EEF1A1: variants seen among roughly 807,000 people sequenced by gnomAD.
EEF1A1 encodes the protein elongation factor 1-alpha 1.
EEF1A1 carries 1 observed loss-of-function variant against 38.5 expected under a neutral mutation model. The ratio of observed to expected loss-of-function variants is 0.03; its 90% CI spans 0.01 to 0.12. The LOEUF (loss-of-function observed/expected upper bound fraction) is 0.12. EEF1A1 is among the 10% of genes least tolerant of loss of function. The probability of loss-of-function intolerance (pLI) is 1.00; values close to 1 mark genes in which losing one functional copy is unlikely to be tolerated. For missense variants in EEF1A1, 184 were observed against 588.3 expected, an observed-to-expected ratio of 0.31 and a Z score of 7.11; for synonymous variants, 229 against 203.7, an observed-to-expected ratio of 1.12 and a Z score of -1.06.
Position 73,519,475 on chromosome 6 carries a change from T to C in EEF1A1, c.186A>G (p.Lys62=). 1 of 1,600,120 alleles carries C rather than the reference T, an allele frequency of 6.2e-7. No homozygotes were observed. Among genetic ancestry groups the C allele is most frequent in the Non-Finnish European group, 8.5e-7 (1 of 1,179,308 alleles). The change falls in exon 3 of 8, where the codon AAA becomes AAG. Residue 62 remains lysine, a synonymous_variant. Coordinates refer to ENST00000309268, the MANE Select transcript of EEF1A1 (RefSeq NM_001402.6). ...GSFKYAWVLD[K]LKAERERGIT... ...TACCACGTTCACGCTCAGCTTTCAGTTTATCCAAGACCCAGGCATACTTGA... is the reference window on the plus strand; with the variant it reads ...TACCACGTTCACGCTCAGCTTTCAGCTTATCCAAGACCCAGGCATACTTGA...
rs777395757 is a variant in EEF1A1 at position 73,516,884 on chromosome 6, CA to C, written c.*925del. On this transcript the variant is annotated 3_prime_UTR_variant, in exon 8 of 8. Coordinates refer to ENST00000309268, the MANE Select transcript of EEF1A1 (RefSeq NM_001402.6). ...ACCAAGTAGACAAACTGCTAATTAT[CA>C]AAGCATAAAAGGTATTAGACTCTGC... is the stretch of plus-strand genomic sequence containing the variant. 12 of 152,154 alleles carry C rather than the reference CA, an allele frequency of 7.9e-5. No individual in the cohort carries two copies. Among genetic ancestry groups the C allele is most frequent in the Non-Finnish European group, 1.2e-4 (8 of 68,024 alleles). 9.4% of individuals were successfully genotyped at this position (152,154 alleles called of 1,614,324 possible).
chr6:73,518,516 T>C lies in EEF1A1; in HGVS notation c.867A>G (p.Val289=). The C allele has an allele frequency of 6.2e-7, 1 of 1,614,050 alleles. No homozygotes were observed. Among genetic ancestry groups the C allele is most frequent in the Non-Finnish European group, 8.5e-7 (1 of 1,179,894 alleles). The change falls in exon 6 of 8, where the codon GTA becomes GTG. Residue 289 remains valine (V), a synonymous_variant. Coordinates refer to ENST00000309268, the MANE Select transcript of EEF1A1 (RefSeq NM_001402.6). ...CTTCATGGTGCATTTCGACAGATTT[T>C]ACTTCCGTTGTAACGTTGACTGGAG... ...TFAPVNVTTE[V]KSVEMHHEAL...
chr6:73,519,594 T>C lies in EEF1A1; in HGVS notation c.145-78A>G. ...AATTTCCTTGTCCCCAGCCCTTAAT[T>C]GGCAGTTTCCACTTTACAACTCCAA... On this transcript the variant is annotated intron_variant, in intron 2 of 7. Coordinates refer to ENST00000309268, the MANE Select transcript of EEF1A1 (RefSeq NM_001402.6). 4.8e-6 allele frequency: 7 copies of C among 1,454,792 alleles called. No homozygotes were observed. In the South Asian group the frequency reaches 9.3e-5, roughly 19 times the overall value. The allele number at this position is 1,454,792 out of a possible 1,614,324, so 90.1% of individuals were successfully genotyped here. A position where few individuals can be genotyped will look rare whatever the true frequency, so the allele number is the denominator to read the frequency against.
In EEF1A1 at chr6:73,519,121, A is replaced by G; in HGVS notation, c.432T>C (p.Gly144=). The G allele has an allele frequency of 6.3e-7, 1 of 1,599,746 alleles. No homozygotes were observed. ...REHALLAYTL[G]VKQLIVGVNK... ...TAACACCGACAATTAGTTGTTTCAC[A>G]CCCAGTGTGTAAGCCAGAAGGGCAT... The change falls in exon 4 of 8, where the codon GGT becomes GGC. Residue 144 remains glycine (G), a synonymous_variant. Coordinates refer to ENST00000309268, the MANE Select transcript of EEF1A1 (RefSeq NM_001402.6).
rs2073466 is a variant in EEF1A1 at position 73,519,535 on chromosome 6, G to T, written c.145-19C>A. 0.65 allele frequency: 1,021,076 copies of T among 1,569,244 alleles called. 339,145 individuals carry two copies. Among genetic ancestry groups the T allele is most frequent in the Non-Finnish European group, 0.69 (797,283 of 1,161,022 alleles). On this transcript the variant is annotated intron_variant, in intron 2 of 7. Coordinates refer to ENST00000309268, the MANE Select transcript of EEF1A1 (RefSeq NM_001402.6). ...TTCCCATCTGTAAGGATTAAGAGTC[G>T]TTACTTGGTTACTAAAACACAAACT...
At chr6:73,518,873 TG>T (rs1765587415) in intron 4 of EEF1A1, 25 bp from the exon 5 acceptor site, 1 of 1,611,848 alleles carries the variant, frequency 6.2e-7, no homozygotes. Flanking sequence ...TGCCAATTTG[TG>T]TAAGCATGAA....
Position 73,518,498 on chromosome 6 carries a change from G to A in EEF1A1, c.885C>T (p.His295=), listed in dbSNP as rs1765578606. 6.2e-7 allele frequency: 1 copy of A among 1,613,684 alleles called. No homozygotes were observed. Among genetic ancestry groups the A allele is most frequent in the Non-Finnish European group, 8.5e-7 (1 of 1,179,732 alleles). ...VTTEVKSVEM[H]HEALSEALPG... is the part of the protein sequence containing the mutation. Reference sequence around the variant, plus strand: ...GAAGAGCTTCACTCAAAGCTTCATGGTGCATTTCGACAGATTTTACTTCCG... The same window carrying A: ...GAAGAGCTTCACTCAAAGCTTCATGATGCATTTCGACAGATTTTACTTCCG... Residue 295 remains histidine, a synonymous_variant, in exon 6 of 8, where the codon CAC becomes CAT. Transcript: ENST00000309268.
chr6:73,519,851 G>C (rs1422149120), intron 2 of EEF1A1, 32 bp downstream of exon 2: 2 of 1,611,282 alleles, frequency 1.2e-6, no homozygotes, highest in Non-Finnish European at 1.7e-6. Context: ...ACTCATTTTA[G>C]TTGATCTTTC....
Position 73,517,942 on chromosome 6 carries a change from A to G in EEF1A1, c.1265-8T>C. The G allele has an allele frequency of 6.2e-7, 1 of 1,613,806 alleles. No homozygotes were observed. The highest frequency in any genetic ancestry group is 8.5e-7 in the Non-Finnish European group (1 of 1,179,912). On this transcript the variant is annotated splice_region_variant and splice_polypyrimidine_tract_variant and intron_variant, in intron 7 of 7. Transcript: ENST00000309268. Reference sequence around the variant, plus strand: ...CACGAACAGCAAAGCGACCTATTAAAAAAAAAGTTAATTATTACCCAAAGT... The same window carrying G: ...CACGAACAGCAAAGCGACCTATTAAGAAAAAAGTTAATTATTACCCAAAGT...
chr6:73,519,934 G>A lies in EEF1A1; in HGVS notation c.93C>T (p.Cys31=), dbSNP rs778266425. 18 of 1,610,452 alleles carry A rather than the reference G, an allele frequency of 1.1e-5. No individual in the cohort carries two copies. The highest frequency in any genetic ancestry group is 6.7e-5 in the African/African-American group (5 of 74,830). Residue 31 remains cysteine (C), a synonymous_variant, in exon 2 of 8, where the codon TGC becomes TGT. Coordinates refer to ENST00000309268, the MANE Select transcript of EEF1A1 (RefSeq NM_001402.6). ...CAATGGTTCTTTTGTCGATGCCACC[G>A]CATTTATAGATCAGATGGCCAGTAG... ...STTTGHLIYK[C]GGIDKRTIEK... is the part of the protein sequence containing the mutation.
At chr6:73,518,874 G>T (rs745690302) in intron 4 of EEF1A1, 26 bp from the exon 5 acceptor site, 3 of 1,611,806 alleles carry the variant, frequency 1.9e-6, no homozygotes, top group Non-Finnish European at 1.7e-6. Flanking sequence ...GCCAATTTGT[G>T]TAAGCATGAA....
intron 1 of EEF1A1, chr6:73,520,740 T>G (rs538433417): frequency 2.0e-5 from 3 of 152,450 alleles, no homozygotes; most frequent in Admixed American, 2.0e-4. Context: ...GCTAGAGACT[T>G]ATCGAAAGCA....
intron 7 of EEF1A1, 48 bp from the exon 8 acceptor site, chr6:73,517,982 T>A (rs1765564098): frequency 1.2e-6 from 2 of 1,612,646 alleles, no homozygotes; most frequent in Non-Finnish European, 1.7e-6. Context: ...TTCAGTTGTA[T>A]TTTTCATCTT....
chr6:73,520,070 A>G lies in EEF1A1; in HGVS notation c.-30-14T>C, dbSNP rs1305085803. On this transcript the variant is annotated splice_polypyrimidine_tract_variant and intron_variant, in intron 1 of 7. Transcript: ENST00000309268. Reference sequence around the variant, plus strand: ...TTTTCACGACACCTGAAATGGAAGAAAAAAACTTTGAACCACTGTCTGAGG... The same window carrying G: ...TTTTCACGACACCTGAAATGGAAGAGAAAAACTTTGAACCACTGTCTGAGG... 3 of 1,573,756 alleles carry G rather than the reference A, an allele frequency of 1.9e-6. No individual in the cohort carries two copies. Among genetic ancestry groups the G allele is most frequent in the Non-Finnish European group, 8.5e-7 (1 of 1,171,390 alleles).
chr6:73,519,266 C>T (rs1765593465), intron 3 of EEF1A1, 38 bp from the exon 4 acceptor site: 3 of 1,606,092 alleles, frequency 1.9e-6, no homozygotes, highest in African/African-American at 2.7e-5. Flanking sequence ...GTCAACTCTC[C>T]AAATGACAAA....
intron 1 of EEF1A1, chr6:73,520,324 G>A: frequency 3.5e-6 from 1 of 282,520 alleles, no homozygotes; most frequent in Non-Finnish European, 6.7e-6. Flanking sequence ...CGACGGCTGA[G>A]GACGGAAAGG....
At position 73,519,197 on chromosome 6, in the gene EEF1A1, CCAGCAG is replaced by C; in HGVS notation, c.350_355del (p.Ala117_Ala118del). The stretch of plus-strand genomic sequence containing the variant: ...GATACCAGCTTCAAATTCACCAACA[CCAGCAG>C]CAACAATCAGGACAGCACAGTCAGC... On this transcript the variant is annotated inframe_deletion, in exon 4 of 8. Transcript: ENST00000309268. The C allele has an allele frequency of 6.2e-7, 1 of 1,601,012 alleles. No individual in the cohort carries two copies. Among genetic ancestry groups the C allele is most frequent in the South Asian group, 1.1e-5 (1 of 90,918 alleles).
In EEF1A1 at chr6:73,518,412, T is replaced by C. The variant is rs1038919915; in HGVS notation, c.971A>G (p.Asn324Ser). ...NVSVKDVRRG[N>S]VAGDSKNDPP... The stretch of plus-strand genomic sequence containing the variant: ...GTCATTTTTGCTGTCACCAGCAACG[T>C]TGCCACGACGAACATCCTTGACAGA... Residue 324 changes from asparagine to serine, a missense_variant, in exon 6 of 8, where the codon AAC (asparagine) becomes AGC (serine). Asn to Ser is a conservative substitution (Grantham distance 46). Transcript: ENST00000309268. 6.8e-6 allele frequency: 11 copies of C among 1,613,578 alleles called. No homozygotes were observed. Among genetic ancestry groups the C allele is most frequent in the Non-Finnish European group, 9.3e-6 (11 of 1,179,984 alleles).
Position 73,518,824 on chromosome 6 carries a change from C to A in EEF1A1, c.646G>T (p.Val216Phe). 6.2e-7 allele frequency: 1 copy of A among 1,613,998 alleles called. No individual in the cohort carries two copies. Among genetic ancestry groups the A allele is most frequent in the South Asian group, 1.1e-5 (1 of 91,086 alleles). ...ANMPWFKGWKVTRKDGNASGT... is the reference protein window; with the variant it reads ...ANMPWFKGWKFTRKDGNASGT... ...CTGGCATTGCCATCCTTACGGGTGACTTTCCATCCCTTGAACCAAGGCATC... is the reference window on the plus strand; with the variant it reads ...CTGGCATTGCCATCCTTACGGGTGAATTTCCATCCCTTGAACCAAGGCATC... Residue 216 changes from valine to phenylalanine, a missense_variant, in exon 5 of 8, where the codon GTC (valine) becomes TTC (phenylalanine). Val to Phe is a conservative substitution (Grantham distance 50). Around this residue, in one of 3 missense-constraint regions of EEF1A1, gnomAD observed 46 missense variants for 73.9 expected, o/e 0.62. Transcript: ENST00000309268.
Sources: allele counts gnomAD v4.1 joint callset, GRCh38; gene constraint gnomAD v4.1.1; regional missense constraint gnomAD v4.1.1; transcripts MANE v1.5; gene names NCBI Gene and HGNC (gene_info 2026-07-23, HGNC 2026-07-21).